Variants in DPP6 observed in about 807,000 individuals in gnomAD.
The protein encoded by DPP6 is A-type potassium channel modulatory protein DPP6.
DPP6 carries 69 observed loss-of-function variants against 122.6 expected under a neutral mutation model. The observed-to-expected ratio is 0.56, with a 90% CI of 0.46 to 0.69. DPP6 has a LOEUF of 0.69. Among genes scored for constraint, DPP6 ranks in the 30% least tolerant of loss-of-function variants. The pLI is 0.00. For synonymous variants in DPP6, 418 were observed against 433.1 expected, an observed-to-expected ratio of 0.97 and a Z score of 0.43; for missense variants, 928 against 1,116.9, an observed-to-expected ratio of 0.83 and a Z score of 2.41.
intron 1 of DPP6, among the ~76,000 whole-genome samples, chr7:154,374,082 G>T (rs1812904341): frequency 6.6e-6 from 1 of 152,168 alleles, no homozygotes; most frequent in South Asian, 2.1e-4. Context: ...CCAGAAATCT[G>T]CCTAACCCTG....
intron 8 of DPP6, among the ~76,000 whole-genome samples, chr7:154,768,457 A>G (rs1215549995): frequency 6.6e-6 from 1 of 152,224 alleles, no homozygotes; most frequent in Non-Finnish European, 1.5e-5. Context: ...AATGGGACTC[A>G]TGAATTATAT....
chr7:154,062,745 C>T lies in DPP6; in HGVS notation c.243+9682C>T. ...CATCGTAGGGGGGGGGAGGCACCCT[C>T]CGCGAGGCAGGGACTGAGAGCCAAC... On this transcript the variant is annotated intron_variant, in intron 1 of 25. Coordinates refer to ENST00000377770, the MANE Select transcript of DPP6 (RefSeq NM_130797.4). Among the ~76,000 whole-genome samples, 2 of 72,296 alleles carry T rather than the reference C, an allele frequency of 2.8e-5. 1 individual carries two copies. The highest frequency in any genetic ancestry group is 5.1e-5 in the Non-Finnish European group (2 of 39,414). 47.4% of individuals were successfully genotyped at this position (72,296 alleles called of 152,430 possible).
At chr7:154,240,635 A>G (rs1157027230) in intron 1 of DPP6, among the ~76,000 whole-genome samples, 1 of 152,214 alleles carries the variant, frequency 6.6e-6, no homozygotes, top group Non-Finnish European at 1.5e-5. Flanking sequence ...GGTGTTTCCT[A>G]CAAATGTTCC....
rs563143739 is a variant in DPP6 at position 154,401,203 on chromosome 7, A to C, written c.244-45011A>C. The stretch of plus-strand genomic sequence containing the variant: ...TAGGGTGAGACTCCATCTCAGAAAA[A>C]ACAAAAACAAAAACAAAAAAAAAAC... On this transcript the variant is annotated intron_variant, in intron 1 of 25. Transcript: ENST00000377770. Among the ~76,000 whole-genome samples, 1,007 of 149,936 alleles carry C rather than the reference A, an allele frequency of 6.7e-3. 10 individuals are homozygous for C. The highest frequency in any genetic ancestry group is 9.4e-3 in the Non-Finnish European group (633 of 67,674).
intron 1 of DPP6, among the ~76,000 whole-genome samples, chr7:154,428,451 G>T (rs572904835): frequency 1.3e-5 from 2 of 152,230 alleles, no homozygotes; most frequent in African/African-American, 4.8e-5. Context: ...TTTCTTAAAA[G>T]AACTAAAAGG....
chr7:153,786,933 G>GA, the DPP6 span, among the ~76,000 whole-genome samples: 1 of 145,630 alleles, frequency 6.9e-6, no homozygotes, highest in East Asian at 2.0e-4. Context: ...ATAGGAAGGG[G>GA]AAGATTTCCT....
At chr7:153,853,943 T>C in the DPP6 span, among the ~76,000 whole-genome samples, 4 of 149,766 alleles carry the variant, frequency 2.7e-5, no homozygotes, top group African/African-American at 9.9e-5. Flanking sequence ...TGAATGGTCA[T>C]GCCTAGGTTT....
At chr7:154,378,104 T>C (rs1269892915) in intron 1 of DPP6, among the ~76,000 whole-genome samples, 1 of 152,254 alleles carries the variant, frequency 6.6e-6, no homozygotes, top group Non-Finnish European at 1.5e-5. Flanking sequence ...GGATAGATGC[T>C]AGGTCTTCTC....
chr7:154,413,184 A>G (rs1197204171), intron 1 of DPP6, among the ~76,000 whole-genome samples: 1 of 152,138 alleles, frequency 6.6e-6, no homozygotes, highest in Non-Finnish European at 1.5e-5. Context: ...CAGTCATCCA[A>G]TTCCTTGGGC....
intron 2 of DPP6, among the ~76,000 whole-genome samples, chr7:154,462,771 G>C (rs1469765682): frequency 6.6e-6 from 1 of 151,652 alleles, no homozygotes; most frequent in Non-Finnish European, 1.5e-5. Flanking sequence ...TTTAGCATTA[G>C]GTATATCTCC....
intron 1 of DPP6, among the ~76,000 whole-genome samples, chr7:154,352,610 G>A (rs964340510): frequency 6.6e-6 from 1 of 151,864 alleles, no homozygotes; most frequent in African/African-American, 2.4e-5. Flanking sequence ...TCACTCATAA[G>A]TGAAAGTTGA....
chr7:153,885,927 AC>A (rs1480809906), upstream of DPP6, among the ~76,000 whole-genome samples: 9 of 152,176 alleles, frequency 5.9e-5, no homozygotes, highest in East Asian at 1.7e-3. Context: ...ATTGTGGATA[AC>A]TTACATGTAA....
intron 2 of DPP6, among the ~76,000 whole-genome samples, chr7:154,453,088 T>C (rs1820528566): frequency 6.6e-6 from 1 of 152,220 alleles, no homozygotes; most frequent in Non-Finnish European, 1.5e-5. Context: ...TCCCGCATTC[T>C]GATGGAAACA....
intron 1 of DPP6, among the ~76,000 whole-genome samples, chr7:153,933,612 A>G (rs563764453): frequency 6.6e-5 from 10 of 152,290 alleles, no homozygotes; most frequent in South Asian, 6.2e-4. Context: ...AGATCATGCA[A>G]TGATTTCTCT....
At chr7:154,060,928 C>G (rs562229848) in intron 1 of DPP6, among the ~76,000 whole-genome samples, 1 of 147,622 alleles carries the variant, frequency 6.8e-6, no homozygotes, top group Non-Finnish European at 1.5e-5. Flanking sequence ...CCCTCTTCCC[C>G]CACTGGCATA....
At chr7:153,805,509 A>G in the DPP6 span, among the ~76,000 whole-genome samples, 1 of 152,316 alleles carries the variant, frequency 6.6e-6, no homozygotes, top group East Asian at 1.9e-4. Flanking sequence ...TGCAATAAAC[A>G]TACATGTGCA....
chr7:154,088,962 G>A (rs1378612355), intron 1 of DPP6, among the ~76,000 whole-genome samples: 1 of 152,180 alleles, frequency 6.6e-6, no homozygotes, highest in Non-Finnish European at 1.5e-5. Context: ...CAGCACAGTG[G>A]AGAGCATGCC....
chr7:154,798,003 G>A (rs1309549734), intron 12 of DPP6, among the ~76,000 whole-genome samples: 1 of 152,218 alleles, frequency 6.6e-6, no homozygotes, highest in African/African-American at 2.4e-5. Flanking sequence ...TGGAGCAGGA[G>A]GCCCTATGCC....
chr7:154,222,661 TAAATA>T (rs906732158), intron 1 of DPP6, among the ~76,000 whole-genome samples: 17 of 148,866 alleles, frequency 1.1e-4, no homozygotes, highest in Non-Finnish European at 1.9e-4. Context: ...GTCTCAAAAA[TAAATA>T]AAATAAAATA....
Sources: gnomAD v4.1 joint callset for allele counts (sites outside exome capture counted in the v4.1 genomes callset) on GRCh38, gnomAD v4.1.1 for gene constraint, MANE v1.5 for transcripts, NCBI Gene and HGNC (gene_info 2026-07-23, HGNC 2026-07-21) for gene names.